Variants in SRMS observed in about 807,000 individuals in gnomAD.
SRMS encodes the protein tyrosine-protein kinase Srms.
A neutral mutation model predicts 43.5 loss-of-function variants in SRMS; 42 were observed. The observed-to-expected ratio is 0.97, with a 90% CI of 0.75 to 1.25. The LOEUF (loss-of-function observed/expected upper bound fraction) is 1.25. Ranked by LOEUF, SRMS falls within the 50% of genes most tolerant of loss-of-function variation. The pLI, the probability that SRMS is intolerant of heterozygous loss-of-function variation, is 0.00. For synonymous variants in SRMS, 316 were observed against 308.2 expected (o/e 1.03, Z -0.27); for missense variants, 703 against 681.0 (o/e 1.03, Z -0.36).
intron 1 of SRMS, among the ~76,000 whole-genome samples, chr20:63,544,840 C>A (rs995873042): frequency 6.6e-6 from 1 of 152,208 alleles, no homozygotes; most frequent in Non-Finnish European, 1.5e-5. Context: ...GGGGCCCATG[C>A]AAGCTGTGTC....
At position 63,544,265 on chromosome 20, in the gene SRMS, C is replaced by T. The variant is rs548091695; in HGVS notation, c.440G>A (p.Arg147Gln). Residue 147 changes from arginine (R) to glutamine (Q), a missense_variant, in exon 2 of 8, where the codon CGG becomes CAG. Coordinates refer to ENST00000217188, the MANE Select transcript of SRMS (RefSeq NM_080823.4). The stretch of plus-strand genomic sequence containing the variant: ...GCCCCCGAGGCTGCTCTCGCTGGGC[C>T]GGATGAGGAAGGCCCCTGGTTCGTT... ...PPNEPGAFLI[R>Q]PSESSLGGYS... The T allele has an allele frequency of 4.9e-5, 73 of 1,475,820 alleles. No homozygotes were observed. Among genetic ancestry groups the T allele is most frequent in the Admixed American group, 3.2e-4 (12 of 37,078 alleles). The allele number at this position is 1,475,820 out of a possible 1,614,324, so 91.4% of individuals were successfully genotyped here.
At position 63,538,520 on chromosome 20, in the gene SRMS, G is replaced by A. The variant is rs1227883488; in HGVS notation, c.*2298C>T. On this transcript the variant is annotated 3_prime_UTR_variant, in exon 8 of 8. Transcript: ENST00000217188. Reference sequence around the variant, plus strand: ...TTTCAACTTTTATTTTTATTGCAAAGAGAAATAATGGCACCTTCCACTCAT... The same window carrying A: ...TTTCAACTTTTATTTTTATTGCAAAAAGAAATAATGGCACCTTCCACTCAT... Among the ~76,000 whole-genome samples, 1 of 152,226 alleles carries A rather than the reference G, an allele frequency of 6.6e-6. No homozygotes were observed. Among genetic ancestry groups the A allele is most frequent in the Non-Finnish European group, 1.5e-5 (1 of 68,044 alleles).
In SRMS at chr20:63,539,013, G is replaced by C. The variant is rs1382983761; in HGVS notation, c.*1805C>G. On this transcript the variant is annotated 3_prime_UTR_variant, in exon 8 of 8. Coordinates refer to ENST00000217188, the MANE Select transcript of SRMS (RefSeq NM_080823.4). ...CCTTAATCCCAGTGGCGGCTGCAGA[G>C]AGCACAGAGGGCGAGGCCTTCTGTG... is the stretch of plus-strand genomic sequence containing the variant. Among the ~76,000 whole-genome samples the C allele has an allele frequency of 6.6e-6, 1 of 152,148 alleles. No homozygotes were observed. Among genetic ancestry groups the C allele is most frequent in the Non-Finnish European group, 1.5e-5 (1 of 68,006 alleles).
chr20:63,542,233 G>A lies in SRMS; in HGVS notation c.876C>T (p.Cys292=), dbSNP rs976851837. Residue 292 remains cysteine, a synonymous_variant, in exon 5 of 8, where the codon TGC becomes TGT. Transcript: ENST00000217188. ...CGATGTACACAGGCTCCCCGCCCGA[G>A]CACACTGCGTGCAGCCGGATGAGCC... is the stretch of plus-strand genomic sequence containing the variant. ...HERLIRLHAV[C]SGGEPVYIVT... 1.2e-6 allele frequency: 2 copies of A among 1,612,720 alleles called. No individual in the cohort carries two copies. Among genetic ancestry groups the A allele is most frequent in the Non-Finnish European group, 1.7e-6 (2 of 1,179,754 alleles).
intron 1 of SRMS, among the ~76,000 whole-genome samples, chr20:63,545,608 T>C (rs1295431568): frequency 6.6e-6 from 1 of 151,894 alleles, no homozygotes; most frequent in Admixed American, 6.5e-5. Flanking sequence ...TAGGGGGCAA[T>C]GGGGGCAGCA....
At chr20:63,545,189 A>T (rs1397523256) in intron 1 of SRMS, among the ~76,000 whole-genome samples, 2 of 152,154 alleles carry the variant, frequency 1.3e-5, no homozygotes, top group South Asian at 2.1e-4. Context: ...CCACCAGGTC[A>T]CATCTACTCA....
intron 1 of SRMS, among the ~76,000 whole-genome samples, chr20:63,546,221 G>A (rs934893730): frequency 1.3e-5 from 2 of 152,160 alleles, no homozygotes; most frequent in African/African-American, 2.4e-5. Flanking sequence ...CAGGACAAGC[G>A]GGGCAGGTGT....
chr20:63,547,142 C>A lies in SRMS; in HGVS notation c.322G>T (p.Ala108Ser). 1 of 1,604,738 alleles carries A rather than the reference C, an allele frequency of 6.2e-7. No individual in the cohort carries two copies. Among genetic ancestry groups the A allele is most frequent in the Non-Finnish European group, 8.5e-7 (1 of 1,175,580 alleles). Residue 108 changes from alanine to serine, a missense_variant, in exon 1 of 8, where the codon GCC (alanine) becomes TCC (serine). Ala to Ser is a moderately conservative substitution (Grantham distance 99). Coordinates refer to ENST00000217188, the MANE Select transcript of SRMS (RefSeq NM_080823.4). ...GAGAGCGTCTCAGGAGAAGCCTTGG[C>A]CACGTGGGTGATGGGCACGAGCCCG... ...SAGLVPITHV[A>S]KASPETLSDQ...
At position 63,543,455 on chromosome 20, in the gene SRMS, G is replaced by A; in HGVS notation, c.504C>T (p.His168=). 6.2e-7 allele frequency: 1 copy of A among 1,612,830 alleles called. No individual in the cohort carries two copies. Among genetic ancestry groups the A allele is most frequent in the Non-Finnish European group, 8.5e-7 (1 of 1,179,950 alleles). The part of the protein sequence containing the change: ...LSVRAQAKVC[H]YRVSMAADGS... ...CATCAGCTGCCATGGAGACCCGGTA[G>A]TGGCAGACCTTGGCCTGGGCCCGGA... Residue 168 remains histidine (H), a synonymous_variant, in exon 3 of 8, where the codon CAC becomes CAT. Transcript: ENST00000217188.
intron 1 of SRMS, among the ~76,000 whole-genome samples, chr20:63,545,746 G>A (rs1411787328): frequency 3.9e-5 from 6 of 152,164 alleles, no homozygotes; most frequent in East Asian, 1.9e-4. Flanking sequence ...CTCCATGGAC[G>A]CTCTGTCCAT....
In SRMS at chr20:63,539,480, A is replaced by G. The variant is rs1275879446; in HGVS notation, c.*1338T>C. Among the ~76,000 whole-genome samples the G allele has an allele frequency of 6.6e-6, 1 of 152,198 alleles. No individual in the cohort carries two copies. The highest frequency in any genetic ancestry group is 2.4e-5 in the African/African-American group (1 of 41,452). On this transcript the variant is annotated 3_prime_UTR_variant, in exon 8 of 8. Coordinates refer to ENST00000217188, the MANE Select transcript of SRMS (RefSeq NM_080823.4). ...CCCCAACTCTAGGGGACAAGGACTC[A>G]GTCAGGCCTGAACTTGTCTCCAAAC...
At chr20:63,544,140 G>A in intron 2 of SRMS, 87 bp downstream of exon 2, 1 of 1,340,998 alleles carries the variant, frequency 7.5e-7, no homozygotes, top group Non-Finnish European at 9.6e-7. Context: ...TGAATCAGGA[G>A]CCAGCACTGC....
rs1555886442 is a variant in SRMS, at chr20:63,538,721, T to TGGGGGGGGGGGGGG, written c.*2096_*2097insCCCCCCCCCCCCCC. Among the ~76,000 whole-genome samples the TGGGGGGGGGGGGGG allele has an allele frequency of 4.2e-5, 1 of 23,848 alleles. No homozygotes were observed. The highest frequency in any genetic ancestry group is 1.8e-4 in the African/African-American group (1 of 5,650). 15.6% of individuals were successfully genotyped at this position (23,848 alleles called of 152,430 possible). On this transcript the variant is annotated 3_prime_UTR_variant, in exon 8 of 8. Transcript: ENST00000217188. ...GTTGGGGAGGATGCAGGGGGAGGGG[T>TGGGGGGGGGGGGGG]GGGGGGTGGGGAATGCGGAAGGAGG...
rs6011890 is a variant in SRMS, at chr20:63,541,915, C to A, written c.946+248G>T. On this transcript the variant is annotated intron_variant, in intron 5 of 7. Coordinates refer to ENST00000217188, the MANE Select transcript of SRMS (RefSeq NM_080823.4). Reference sequence around the variant, plus strand: ...CCAAGGCTGGTGACCCAGATGGGACCGCGCCCCCCACCGCCCCCGAACACC... The same window carrying A: ...CCAAGGCTGGTGACCCAGATGGGACAGCGCCCCCCACCGCCCCCGAACACC... 7.3e-3 allele frequency among the ~76,000 whole-genome samples: 1,104 copies of A among 151,728 alleles called. 16 individuals carry two copies. The highest frequency in any genetic ancestry group is 0.025 in the African/African-American group (1,022 of 41,006).
At chr20:63,544,825 T>C (rs1167923305) in intron 1 of SRMS, among the ~76,000 whole-genome samples, 1 of 152,112 alleles carries the variant, frequency 6.6e-6, no homozygotes, top group African/African-American at 2.4e-5. Flanking sequence ...AGTTGGTTAG[T>C]GGAGGGGGCC....
chr20:63,542,014 G>A, intron 5 of SRMS, 149 bp downstream of exon 5: 7 of 1,163,798 alleles, frequency 6.0e-6, no homozygotes, highest in Non-Finnish European at 8.3e-6. Flanking sequence ...CTGGAGACCA[G>A]ACAGGGATGG....
At position 63,540,775 on chromosome 20, in the gene SRMS, G is replaced by A. The variant is rs2082698551; in HGVS notation, c.*43C>T. 1.9e-6 allele frequency: 3 copies of A among 1,550,696 alleles called. No individual in the cohort carries two copies. The East Asian group carries it at 6.8e-5, about 35-fold the overall frequency. On this transcript the variant is annotated 3_prime_UTR_variant, in exon 8 of 8. Coordinates refer to ENST00000217188, the MANE Select transcript of SRMS (RefSeq NM_080823.4). The stretch of plus-strand genomic sequence containing the variant: ...GAGTTGGCGCTCTGCAGGGAGGAGG[G>A]GCTGGCCTGGCTGGAGCCCAGAGCG...
chr20:63,541,157 C>G (rs1461025617), intron 7 of SRMS, 34 bp downstream of exon 7: 1 of 1,546,972 alleles, frequency 6.5e-7, no homozygotes, highest in East Asian at 2.3e-5. Context: ...CTGGGCAGAG[C>G]CTGCATCCTC....
At position 63,547,500 on chromosome 20, in the gene SRMS, G is replaced by A; in HGVS notation, c.-37C>T. On this transcript the variant is annotated 5_prime_UTR_variant, in exon 1 of 8. Coordinates refer to ENST00000217188, the MANE Select transcript of SRMS (RefSeq NM_080823.4). The stretch of plus-strand genomic sequence containing the variant: ...ACCACGCTGGGCCCGAGGGCCATGG[G>A]AGCCCGCGAGCCCGGAAGAGGAACT... 2 of 1,431,686 alleles carry A rather than the reference G, an allele frequency of 1.4e-6. No homozygotes were observed. Among genetic ancestry groups the A allele is most frequent in the Non-Finnish European group, 1.8e-6 (2 of 1,090,186 alleles). The allele number at this position is 1,431,686 out of a possible 1,614,324, so 88.7% of individuals were successfully genotyped here.
Sources: allele counts gnomAD v4.1 joint callset (sites outside exome capture counted in the v4.1 genomes callset), GRCh38; gene constraint gnomAD v4.1.1; transcripts MANE v1.5; gene names NCBI Gene and HGNC (gene_info 2026-07-23, HGNC 2026-07-21).